FXN: variants seen among roughly 807,000 people sequenced by gnomAD.
The protein encoded by FXN is frataxin, mitochondrial.
A neutral mutation model predicts 22.4 loss-of-function variants in FXN; 14 were observed. That is an observed-to-expected ratio of 0.62 (90% CI 0.41 to 0.98). The LOEUF (loss-of-function observed/expected upper bound fraction) is 0.98. Ranked by LOEUF, FXN falls within the 50% of genes least tolerant of loss-of-function variation. The pLI is 0.00. For synonymous variants in FXN, 120 were observed against 114.1 expected (o/e 1.05, Z -0.33); for missense variants, 267 against 268.4 (o/e 0.99, Z 0.04).
At chr9:69,064,035 C>T (rs1832122768) in intron 3 of FXN, among the ~76,000 whole-genome samples, 2 of 152,128 alleles carry the variant, frequency 1.3e-5, no homozygotes, top group Admixed American at 6.5e-5. Context: ...CAGAGCCTCT[C>T]GATTGGATGG....
intron 1 of FXN, among the ~76,000 whole-genome samples, chr9:69,042,679 T>G (rs1831678936): frequency 6.6e-6 from 1 of 151,568 alleles, no homozygotes; most frequent in African/African-American, 2.4e-5. Flanking sequence ...CCATCAAATC[T>G]CTATTAAATT....
Position 69,078,478 on chromosome 9 carries a change from T to C in FXN, c.*5716T>C. On this transcript the variant is annotated 3_prime_UTR_variant, in exon 5 of 5. Coordinates refer to ENST00000484259, the MANE Select transcript of FXN (RefSeq NM_000144.5). ...CTCAGCCCATCATCTAGCTACACAG[T>C]CTCCAGGGTAAGCTTTCAGAAAGGC... 1 of 983,992 alleles carries C rather than the reference T, an allele frequency of 1.0e-6. No individual in the cohort carries two copies. The highest frequency in any genetic ancestry group is 1.2e-6 in the Non-Finnish European group (1 of 829,530). The allele number at this position is 983,992 out of a possible 1,614,324, so 61.0% of individuals were successfully genotyped here. A position where few individuals can be genotyped will look rare whatever the true frequency, so the allele number is the denominator to read the frequency against.
intron 1 of FXN, among the ~76,000 whole-genome samples, chr9:69,043,740 C>T (rs997852089): frequency 2.0e-5 from 3 of 152,160 alleles, no homozygotes; most frequent in African/African-American, 7.2e-5. Flanking sequence ...CATGTCATCA[C>T]GCCTTGCTAA....
Position 69,076,244 on chromosome 9 carries a change from G to A in FXN, c.*3482G>A. The A allele has an allele frequency of 1.0e-6, 1 of 973,032 alleles. No homozygotes were observed. 60.3% of individuals were successfully genotyped at this position (973,032 alleles called of 1,614,324 possible). On this transcript the variant is annotated 3_prime_UTR_variant, in exon 5 of 5. Coordinates refer to ENST00000484259, the MANE Select transcript of FXN (RefSeq NM_000144.5). ...TTTTTTTTTTTTTAATCTATAAAAT[G>A]GAGATATCTAACATGTTGAGCCTGG... is the stretch of plus-strand genomic sequence containing the variant.
At position 69,075,520 on chromosome 9, in the gene FXN, T is replaced by A; in HGVS notation, c.*2758T>A. On this transcript the variant is annotated 3_prime_UTR_variant, in exon 5 of 5. Transcript: ENST00000484259. The stretch of plus-strand genomic sequence containing the variant: ...ACATGAACAGCAGCCAGGGGAAGAA[T>A]CAAAATCATATTCTGTCAAGCAAAC... 1.0e-6 allele frequency: 1 copy of A among 984,858 alleles called. No individual in the cohort carries two copies. Among genetic ancestry groups the A allele is most frequent in the Non-Finnish European group, 1.2e-6 (1 of 829,628 alleles). The allele number at this position is 984,858 out of a possible 1,614,324, so 61.0% of individuals were successfully genotyped here. A position where few individuals can be genotyped will look rare whatever the true frequency, so the allele number is the denominator to read the frequency against.
Position 69,053,250 on chromosome 9 carries a change from T to A in FXN, c.374T>A (p.Val125Asp). 2 of 1,613,734 alleles carry A rather than the reference T, an allele frequency of 1.2e-6. No individual in the cohort carries two copies. Among genetic ancestry groups the A allele is most frequent in the Non-Finnish European group, 1.7e-6 (2 of 1,179,794 alleles). ...DKPYTFEDYD[V>D]SFGSGVLTVK... ...CCATACACGTTTGAGGACTATGATG[T>A]CTCCTTTGGGGTACCTCTTGACTTC... is the stretch of plus-strand genomic sequence containing the variant. The change falls in exon 3 of 5, where the codon GTC becomes GAC. Residue 125 changes from valine (V) to aspartate (D), a missense_variant. Coordinates refer to ENST00000484259, the MANE Select transcript of FXN (RefSeq NM_000144.5).
chr9:69,053,471 A>ATGGATGGATGGATGGATGGATG (rs1587822034), intron 3 of FXN, among the ~76,000 whole-genome samples: 9 of 140,262 alleles, frequency 6.4e-5, no homozygotes, highest in African/African-American at 2.5e-4. Context: ...ACTCTGTCAT[A>ATGGATGGATGGATGGATGGATG]GATGGATGGA....
chr9:69,056,868 G>C (rs976633323), intron 3 of FXN, among the ~76,000 whole-genome samples: 1 of 143,672 alleles, frequency 7.0e-6, no homozygotes. Flanking sequence ...TCAGCCTCCC[G>C]AGTAGCTGGG....
Position 69,075,321 on chromosome 9 carries a change from G to T in FXN, c.*2559G>T. 3.4e-6 allele frequency: 2 copies of T among 584,646 alleles called. No individual in the cohort carries two copies. Among genetic ancestry groups the T allele is most frequent in the South Asian group, 7.5e-5 (1 of 13,272 alleles). 36.2% of individuals were successfully genotyped at this position (584,646 alleles called of 1,614,324 possible). A position where few individuals can be genotyped will look rare whatever the true frequency, so the allele number is the denominator to read the frequency against. On this transcript the variant is annotated 3_prime_UTR_variant, in exon 5 of 5. Coordinates refer to ENST00000484259, the MANE Select transcript of FXN (RefSeq NM_000144.5). ...AAAAATATTAAAAAATTGGCTGGGCGTGGTGGTTCGTGCCTATAATTTCAG... is the reference window on the plus strand; with the variant it reads ...AAAAATATTAAAAAATTGGCTGGGCTTGGTGGTTCGTGCCTATAATTTCAG...
intron 2 of FXN, 60 bp downstream of exon 2, chr9:69,046,542 A>G (rs1226171491): frequency 1.2e-5 from 14 of 1,192,712 alleles, no homozygotes; most frequent in Admixed American, 3.7e-5. Flanking sequence ...TGCCTCTCCC[A>G]TTAGAACCTG....
rs756173478 is a variant in FXN, at chr9:69,073,786, A to G, written c.*1024A>G. On this transcript the variant is annotated 3_prime_UTR_variant, in exon 5 of 5. Transcript: ENST00000484259. ...CCTAACAGGCTAGTTCTAATTCCCT[A>G]TTGGGTAGATGAGGGGATGACAAAG... 13 of 985,222 alleles carry G rather than the reference A, an allele frequency of 1.3e-5. No homozygotes were observed. Among genetic ancestry groups the G allele is most frequent in the South Asian group, 4.7e-5 (1 of 21,284 alleles). The allele number at this position is 985,222 out of a possible 1,614,324, so 61.0% of individuals were successfully genotyped here.
chr9:69,061,669 C>T (rs1365875500), intron 3 of FXN, among the ~76,000 whole-genome samples: 4 of 150,864 alleles, frequency 2.7e-5, no homozygotes, highest in African/African-American at 9.8e-5. Flanking sequence ...TCCCTCCCCC[C>T]TTCCCCCTCC....
chr9:69,046,564 G>A (rs1831759723), intron 2 of FXN, 82 bp downstream of exon 2: 1 of 921,298 alleles, frequency 1.1e-6, no homozygotes, highest in Non-Finnish European at 1.8e-6. Flanking sequence ...TTTTCTTCCT[G>A]AGCAGCAACA....
rs1430789805 is a variant in FXN, at chr9:69,075,286, C to T, written c.*2524C>T. ...CAGCCTGGCCAACATGGCAAAATCC[C>T]GTCTCTACTAAAAATATTAAAAAAT... On this transcript the variant is annotated 3_prime_UTR_variant, in exon 5 of 5. Transcript: ENST00000484259. The T allele has an allele frequency of 9.1e-6, 6 of 660,822 alleles. No individual in the cohort carries two copies. The highest frequency in any genetic ancestry group is 1.1e-5 in the Non-Finnish European group (6 of 534,146). The allele number at this position is 660,822 out of a possible 1,614,324, so 40.9% of individuals were successfully genotyped here.
rs1832340013 is a variant in FXN at position 69,074,933 on chromosome 9, T to C, written c.*2171T>C. 1 of 985,342 alleles carries C rather than the reference T, an allele frequency of 1.0e-6. No homozygotes were observed. Among genetic ancestry groups the C allele is most frequent in the Non-Finnish European group, 1.2e-6 (1 of 829,938 alleles). 61.0% of individuals were successfully genotyped at this position (985,342 alleles called of 1,614,324 possible). On this transcript the variant is annotated 3_prime_UTR_variant, in exon 5 of 5. Coordinates refer to ENST00000484259, the MANE Select transcript of FXN (RefSeq NM_000144.5). The stretch of plus-strand genomic sequence containing the variant: ...ATCTTGCTTCTACTGAAAGTTTCAG[T>C]GCACCCCACTTACTTAGAACTCGGT...
rs1832383510 is a variant in FXN, at chr9:69,077,067, C to T, written c.*4305C>T. 1 of 446,806 alleles carries T rather than the reference C, an allele frequency of 2.2e-6. No individual in the cohort carries two copies. The highest frequency in any genetic ancestry group is 9.4e-5 in the South Asian group (1 of 10,640). The allele number at this position is 446,806 out of a possible 1,614,324, so 27.7% of individuals were successfully genotyped here. ...TAGCTGGGATTACAGGTGCCTGCCACCACACCCGGCTAATTTTTGTATTTT... is the reference window on the plus strand; with the variant it reads ...TAGCTGGGATTACAGGTGCCTGCCATCACACCCGGCTAATTTTTGTATTTT... On this transcript the variant is annotated 3_prime_UTR_variant, in exon 5 of 5. Coordinates refer to ENST00000484259, the MANE Select transcript of FXN (RefSeq NM_000144.5).
At chr9:69,070,240 AAAG>A (rs1832249872) in intron 4 of FXN, among the ~76,000 whole-genome samples, 1 of 151,974 alleles carries the variant, frequency 6.6e-6, no homozygotes, top group Non-Finnish European at 1.5e-5. Flanking sequence ...AAAAAAAAAA[AAAG>A]AAAGAAAACG....
chr9:69,039,505 C>A (rs1219560319), intron 1 of FXN, among the ~76,000 whole-genome samples: 1 of 128,298 alleles, frequency 7.8e-6, no homozygotes, highest in Admixed American at 7.9e-5. Flanking sequence ...CCCACAGCCC[C>A]CAGCCCCAGC....
At chr9:69,072,490 C>T in intron 4 of FXN, 122 bp from the exon 5 acceptor site, 1 of 1,567,344 alleles carries the variant, frequency 6.4e-7, no homozygotes, top group East Asian at 2.2e-5. Context: ...TACACTAGCT[C>T]ATTTTGTGTT....
Sources: gnomAD v4.1 joint callset for allele counts (sites outside exome capture counted in the v4.1 genomes callset) on GRCh38, gnomAD v4.1.1 for gene constraint, MANE v1.5 for transcripts, NCBI Gene and HGNC (gene_info 2026-07-23, HGNC 2026-07-21) for gene names.